DPH6: variants seen among roughly 807,000 people sequenced by gnomAD.
The protein encoded by DPH6 is diphthamine biosynthesis 6.
In DPH6, 33 loss-of-function variants were observed where a neutral mutation model predicts 38.2. The observed-to-expected ratio is 0.86, with a 90% CI of 0.65 to 1.15. The LOEUF (loss-of-function observed/expected upper bound fraction) is 1.15, where lower values mean the gene tolerates loss of function less well. Among genes scored for constraint, DPH6 ranks in the 50% most tolerant of loss-of-function variants. DPH6 has a pLI of 0.00. For synonymous variants in DPH6, 108 were observed against 103.0 expected, an observed-to-expected ratio of 1.05 and a Z score of -0.30; for missense variants, 325 against 320.0, an observed-to-expected ratio of 1.02 and a Z score of -0.12.
At chr15:35,522,791 G>GA (rs148148976) in intron 3 of DPH6, among the ~76,000 whole-genome samples, 14,125 of 152,074 alleles carry the variant, frequency 0.093, 900 homozygotes, top group African/African-American at 0.18. Context: ...TCTGCCCACA[G>GA]ACTTAAAATA....
At chr15:35,367,312 G>C (rs2140914431), downstream of DPH6, among the ~76,000 whole-genome samples, 1 of 151,888 alleles carries the variant, frequency 6.6e-6, no homozygotes, top group South Asian at 2.1e-4. Context: ...AAATACAATT[G>C]CTTTGCTAAT....
At chr15:35,160,986 G>T in the DPH6 span, among the ~76,000 whole-genome samples, 1 of 151,982 alleles carries the variant, frequency 6.6e-6, no homozygotes, top group African/African-American at 2.4e-5. Context: ...ACCAGGGACT[G>T]TTGTGGGGTG....
At chr15:35,265,003 G>A (rs1000604849) in intron 3 of DPH6, among the ~76,000 whole-genome samples, 6 of 152,192 alleles carry the variant, frequency 3.9e-5, no homozygotes, top group South Asian at 4.1e-4. Context: ...ATTACACTCC[G>A]ATGTTCATAA....
At chr15:35,230,346 C>T (rs570615727) in intron 3 of DPH6, among the ~76,000 whole-genome samples, 1 of 152,336 alleles carries the variant, frequency 6.6e-6, no homozygotes, top group East Asian at 1.9e-4. Context: ...CACCAATGTT[C>T]CCTTAAGGCC....
At chr15:35,274,053 A>G (rs567302661) in intron 3 of DPH6, among the ~76,000 whole-genome samples, 191 of 152,310 alleles carry the variant, frequency 1.3e-3, no homozygotes, top group Middle Eastern at 0.01. Context: ...ACCAAAACAG[A>G]TATATAGACC....
At chr15:35,391,497 G>A (rs931121816) in intron 6 of DPH6, among the ~76,000 whole-genome samples, 5 of 152,164 alleles carry the variant, frequency 3.3e-5, no homozygotes, top group Non-Finnish European at 7.3e-5. Context: ...CACTCAGTTC[G>A]AGCTTCCTAG....
chr15:35,381,309 C>T (rs1247518401), intron 7 of DPH6, among the ~76,000 whole-genome samples: 2 of 152,134 alleles, frequency 1.3e-5, no homozygotes, highest in African/African-American at 4.8e-5. Flanking sequence ...GCAAAGAAAT[C>T]ACACTACTCA....
intron 3 of DPH6, among the ~76,000 whole-genome samples, chr15:35,502,441 C>T (rs549323581): frequency 7.0e-4 from 107 of 152,094 alleles, no homozygotes; most frequent in African/African-American, 2.5e-3. Flanking sequence ...AATAATCTCC[C>T]ATTCAGAGTT....
intron 3 of DPH6, among the ~76,000 whole-genome samples, chr15:35,522,867 C>T (rs1414696113): frequency 6.6e-6 from 1 of 152,042 alleles, no homozygotes; most frequent in Non-Finnish European, 1.5e-5. Context: ...TGTTATTATA[C>T]CATACAGAGC....
chr15:35,542,640 T>C (rs2055270498), intron 1 of DPH6, 133 bp from the exon 2 acceptor site: 1 of 852,736 alleles, frequency 1.2e-6, no homozygotes, highest in Admixed American at 2.5e-5. Context: ...AAAAAACCCA[T>C]TAATTTCTAA....
At chr15:35,145,773 T>C in the DPH6 span, among the ~76,000 whole-genome samples, 1 of 152,220 alleles carries the variant, frequency 6.6e-6, no homozygotes, top group Non-Finnish European at 1.5e-5. Context: ...TTATTTTATT[T>C]ATGCACTGTG....
At chr15:35,250,866 A>G (rs1595446692) in intron 3 of DPH6, among the ~76,000 whole-genome samples, 1 of 152,342 alleles carries the variant, frequency 6.6e-6, no homozygotes, top group East Asian at 1.9e-4. Context: ...CTAACACTGT[A>G]TATGGCATTT....
chr15:35,509,362 T>C (rs866035360), intron 3 of DPH6, among the ~76,000 whole-genome samples: 2 of 152,224 alleles, frequency 1.3e-5, no homozygotes, highest in African/African-American at 2.4e-5. Context: ...TCGGCAATAT[T>C]ATAACTACTG....
Position 35,517,175 on chromosome 15 carries a change from T to C in DPH6, c.312+21099A>G, listed in dbSNP as rs1382252970. ...GAAAAATTTAAAGAAGAATTTTTTT[T>C]GGAGGACTGCTAATAAAATTATCAT... is the stretch of plus-strand genomic sequence containing the variant. On this transcript the variant is annotated intron_variant, in intron 3 of 8. Coordinates refer to ENST00000256538, the MANE Select transcript of DPH6 (RefSeq NM_080650.4). 3.3e-5 allele frequency among the ~76,000 whole-genome samples: 5 copies of C among 152,226 alleles called. No homozygotes were observed. In the East Asian group the frequency reaches 9.6e-4, roughly 29 times the overall value.
At chr15:35,434,184 G>GT (rs1302218897) in intron 5 of DPH6, among the ~76,000 whole-genome samples, 1 of 152,114 alleles carries the variant, frequency 6.6e-6, no homozygotes, top group Non-Finnish European at 1.5e-5. Flanking sequence ...TCTCTGGGAG[G>GT]TAAGGATACC....
chr15:35,330,509 T>C (rs1751983116), downstream of DPH6, among the ~76,000 whole-genome samples: 2 of 152,176 alleles, frequency 1.3e-5, no homozygotes, highest in African/African-American at 2.4e-5. Flanking sequence ...ATGAGATTTA[T>C]GGCCACTGAC....
chr15:35,434,990 T>C (rs2053679049), intron 5 of DPH6, among the ~76,000 whole-genome samples: 1 of 151,562 alleles, frequency 6.6e-6, no homozygotes, highest in Admixed American at 6.6e-5. Flanking sequence ...CCCAAGCTGA[T>C]CTTGAATTCC....
the DPH6 span, among the ~76,000 whole-genome samples, chr15:35,204,756 A>G: frequency 1.3e-5 from 2 of 151,798 alleles, no homozygotes; most frequent in African/African-American, 4.8e-5. Context: ...AGTCTCTCCC[A>G]ACATACAAAA....
intron 3 of DPH6, among the ~76,000 whole-genome samples, chr15:35,461,664 C>G (rs556827501): frequency 6.6e-6 from 1 of 151,704 alleles, no homozygotes; most frequent in East Asian, 1.9e-4. Context: ...TGATGATACC[C>G]TGGAGAGTGG....
Sources: allele counts gnomAD v4.1 joint callset (sites outside exome capture counted in the v4.1 genomes callset), GRCh38; gene constraint gnomAD v4.1.1; transcripts MANE v1.5; gene names NCBI Gene and HGNC (gene_info 2026-07-23, HGNC 2026-07-21).